The following KCNMB2 variants were observed in gnomAD, a reference collection of about 807,000 sequenced individuals.
The protein encoded by KCNMB2 is calcium-activated potassium channel subunit beta-2.
In KCNMB2, 9 loss-of-function variants were observed where a neutral mutation model predicts 24.5. The observed-to-expected ratio is 0.37, with a 90% CI of 0.22 to 0.64. The LOEUF is 0.64. Ranked by LOEUF, KCNMB2 falls within the 30% of genes least tolerant of loss-of-function variation. The pLI, the probability that KCNMB2 is intolerant of heterozygous loss-of-function variation, is 0.63. For missense variants in KCNMB2, 226 were observed against 284.3 expected (o/e 0.79, Z 1.47); for synonymous variants, 109 against 104.4 (o/e 1.04, Z -0.27).
chr3:178,562,401 T>C (rs1716353624), intron 1 of KCNMB2, among the ~76,000 whole-genome samples: 1 of 152,094 alleles, frequency 6.6e-6, no homozygotes, highest in South Asian at 2.1e-4. Flanking sequence ...GACAGGATTC[T>C]GGGAAGGGAA....
chr3:178,795,445 G>A (rs578198471), intron 1 of KCNMB2, among the ~76,000 whole-genome samples: 80 of 152,328 alleles, frequency 5.3e-4, no homozygotes, highest in African/African-American at 1.9e-3. Flanking sequence ...GATTATCCAG[G>A]ATTATCTGGG....
chr3:178,595,015 T>C (rs1717814795), intron 1 of KCNMB2, among the ~76,000 whole-genome samples: 1 of 146,354 alleles, frequency 6.8e-6, no homozygotes, highest in Non-Finnish European at 1.5e-5. Flanking sequence ...ATTGAATTAC[T>C]AACGTCTTAT....
At chr3:178,829,855 A>C (rs1714988630) in intron 4 of KCNMB2, among the ~76,000 whole-genome samples, 1 of 152,202 alleles carries the variant, frequency 6.6e-6, no homozygotes, top group South Asian at 2.1e-4. Flanking sequence ...TCAGCATAAT[A>C]CTAGGTCATC....
chr3:178,565,461 T>C lies in KCNMB2; in HGVS notation c.-68+28750T>C, dbSNP rs142558651. Among the ~76,000 whole-genome samples the C allele has an allele frequency of 2.9e-3, 445 of 152,190 alleles. 3 individuals carry two copies. Among genetic ancestry groups the C allele is most frequent in the African/African-American group, 0.01 (418 of 41,536 alleles). Reference sequence around the variant, plus strand: ...GAATTATGTGAGAGAATAGGAAAAATTGTCCAAGGAAAATCAATTAAAGCA... The same window carrying C: ...GAATTATGTGAGAGAATAGGAAAAACTGTCCAAGGAAAATCAATTAAAGCA... On this transcript the variant is annotated intron_variant, in intron 1 of 4. Transcript: ENST00000452583.
At chr3:178,676,629 C>T (rs945606393) in intron 1 of KCNMB2, among the ~76,000 whole-genome samples, 13 of 152,032 alleles carry the variant, frequency 8.6e-5, no homozygotes, top group East Asian at 5.8e-4. Flanking sequence ...ACCCAGGTAA[C>T]GATAATCCAT....
intron 1 of KCNMB2, among the ~76,000 whole-genome samples, chr3:178,573,229 G>A (rs565453106): frequency 5.1e-4 from 78 of 152,058 alleles, no homozygotes; most frequent in Non-Finnish European, 9.3e-4. Context: ...GGCTAGTCTC[G>A]AATTCCTGAC....
chr3:178,717,964 G>A (rs182440213), intron 1 of KCNMB2, among the ~76,000 whole-genome samples: 19 of 151,368 alleles, frequency 1.3e-4, no homozygotes, highest in Non-Finnish European at 1.8e-4. Context: ...CTAAACTCTC[G>A]TCCATTTCTA....
chr3:178,830,371 T>C (rs1168994826), intron 4 of KCNMB2, among the ~76,000 whole-genome samples: 1 of 152,164 alleles, frequency 6.6e-6, no homozygotes, highest in East Asian at 1.9e-4. Context: ...ATGGACATTT[T>C]GAATTGTCTA....
At chr3:178,602,607 G>C (rs1718123799) in intron 1 of KCNMB2, among the ~76,000 whole-genome samples, 2 of 152,008 alleles carry the variant, frequency 1.3e-5, no homozygotes, top group East Asian at 3.9e-4. Flanking sequence ...CAAAGCCAGA[G>C]GGACAAGGAG....
intron 1 of KCNMB2, among the ~76,000 whole-genome samples, chr3:178,757,846 TATATCCAAGAGGATAC>T (rs372747851): frequency 2.8e-3 from 284 of 100,806 alleles, no homozygotes; most frequent in Middle Eastern, 0.014. Context: ...AGAGGATATA[TATATCCAAGAGGATAC>T]ATATATATAT....
chr3:178,644,905 T>C (rs1377803474), intron 1 of KCNMB2, among the ~76,000 whole-genome samples: 1 of 152,114 alleles, frequency 6.6e-6, no homozygotes, highest in Non-Finnish European at 1.5e-5. Context: ...CGAACTAGAT[T>C]AGATTAAATT....
intron 1 of KCNMB2, among the ~76,000 whole-genome samples, chr3:178,786,066 C>G (rs541643717): frequency 6.6e-6 from 1 of 152,076 alleles, no homozygotes; most frequent in Admixed American, 6.6e-5. Flanking sequence ...CACAATTGCA[C>G]TAAGCAATAA....
chr3:178,696,851 T>TTTACTAAACTAC (rs1721897249), intron 1 of KCNMB2, among the ~76,000 whole-genome samples: 1 of 151,698 alleles, frequency 6.6e-6, no homozygotes, highest in African/African-American at 2.4e-5. Context: ...GTAAATTACT[T>TTTACTAAACTAC]TTACCAAATA....
At chr3:178,692,512 A>G (rs1430320091) in intron 1 of KCNMB2, among the ~76,000 whole-genome samples, 2 of 152,288 alleles carry the variant, frequency 1.3e-5, no homozygotes, top group East Asian at 3.9e-4. Flanking sequence ...TCCTTTCCCC[A>G]TTTCTTGTTT....
rs571105248 is a variant in KCNMB2 at position 178,545,912 on chromosome 3, G to A, written c.-68+9201G>A. Among the ~76,000 whole-genome samples, 5 of 152,256 alleles carry A rather than the reference G, an allele frequency of 3.3e-5. 1 individual carries two copies. In the South Asian group the frequency reaches 1.0e-3, roughly 32 times the overall value. On this transcript the variant is annotated intron_variant, in intron 1 of 4. Coordinates refer to ENST00000452583, the MANE Select transcript of KCNMB2 (RefSeq NM_181361.3). ...ATTGGTCCCATTTCTCCCTCTCTGT[G>A]AAGATGATCATTCACTGGTTTAACT...
intron 1 of KCNMB2, among the ~76,000 whole-genome samples, chr3:178,701,763 A>G (rs945767795): frequency 3.3e-5 from 5 of 152,192 alleles, no homozygotes; most frequent in African/African-American, 1.2e-4. Context: ...AAAAGTCAGG[A>G]AACAACAGGT....
chr3:178,835,497 G>A (rs73055796), intron 4 of KCNMB2, among the ~76,000 whole-genome samples: 2,103 of 152,250 alleles, frequency 0.014, 43 homozygotes, highest in African/African-American at 0.046. Context: ...AAATATATTT[G>A]TGAATCCAAG....
intron 1 of KCNMB2, among the ~76,000 whole-genome samples, chr3:178,617,419 G>A (rs891615589): frequency 2.0e-5 from 3 of 151,972 alleles, no homozygotes; most frequent in Non-Finnish European, 4.4e-5. Context: ...TTAGCCGGGC[G>A]TGGTGGCAGG....
chr3:178,821,739 A>G (rs1293564177), intron 2 of KCNMB2, among the ~76,000 whole-genome samples: 1 of 152,200 alleles, frequency 6.6e-6, no homozygotes, highest in Non-Finnish European at 1.5e-5. Context: ...TTCTCCAGTC[A>G]TCCACATCAA....
Sources: gnomAD v4.1 joint callset for allele counts (sites outside exome capture counted in the v4.1 genomes callset) on GRCh38, gnomAD v4.1.1 for gene constraint, MANE v1.5 for transcripts, NCBI Gene and HGNC (gene_info 2026-07-23, HGNC 2026-07-21) for gene names.